The following LRRTM3 variants were observed in gnomAD, a reference collection of about 807,000 sequenced individuals.
LRRTM3 encodes the protein leucine-rich repeat transmembrane neuronal protein 3.
Under a neutral mutation model 44.7 loss-of-function variants are expected in LRRTM3, and 24 were observed. That is an observed-to-expected ratio of 0.54 (90% CI 0.39 to 0.76). LRRTM3 has a LOEUF of 0.76. Among genes scored for constraint, LRRTM3 ranks in the 30% least tolerant of loss-of-function variants. The probability of loss-of-function intolerance (pLI) is 0.00; values close to 1 mark genes in which losing one functional copy is unlikely to be tolerated. For missense variants in LRRTM3, 587 were observed against 702.2 expected (o/e 0.84, Z 1.85); for synonymous variants, 277 against 278.7 (o/e 0.99, Z 0.06).
chr10:66,956,815 C>T (rs1848813805), intron 2 of LRRTM3, among the ~76,000 whole-genome samples: 1 of 152,182 alleles, frequency 6.6e-6, no homozygotes, highest in Non-Finnish European at 1.5e-5. Context: ...GTGACAGGCT[C>T]AACAGTAACC....
chr10:67,092,642 A>C (rs538249684), intron 2 of LRRTM3, among the ~76,000 whole-genome samples: 1 of 152,110 alleles, frequency 6.6e-6, no homozygotes, highest in African/African-American at 2.4e-5. Context: ...AACTTTAAAA[A>C]ACTATTCTTA....
chr10:67,080,363 A>G (rs1856985178), intron 2 of LRRTM3, among the ~76,000 whole-genome samples: 1 of 152,332 alleles, frequency 6.6e-6, no homozygotes, highest in South Asian at 2.1e-4. Flanking sequence ...AAACTACCGA[A>G]GTATGGGACA....
chr10:66,967,027 C>T (rs887227593), intron 2 of LRRTM3, among the ~76,000 whole-genome samples: 13 of 151,782 alleles, frequency 8.6e-5, no homozygotes, highest in Non-Finnish European at 1.5e-4. Context: ...AAGTTCATAG[C>T]GCAAAAAGAA....
chr10:67,002,075 C>T (rs575878030), intron 2 of LRRTM3, among the ~76,000 whole-genome samples: 2 of 152,234 alleles, frequency 1.3e-5, no homozygotes, highest in East Asian at 3.9e-4. Flanking sequence ...CTTTTAGGAG[C>T]TCAGTTTCTT....
intron 2 of LRRTM3, among the ~76,000 whole-genome samples, chr10:66,985,932 T>C (rs1850705952): frequency 6.6e-6 from 1 of 152,088 alleles, no homozygotes; most frequent in Non-Finnish European, 1.5e-5. Context: ...TTCACCATGT[T>C]GGCCAGGATG....
intron 2 of LRRTM3, among the ~76,000 whole-genome samples, chr10:67,064,063 C>CT (rs1855919444): frequency 2.0e-5 from 3 of 152,180 alleles, no homozygotes; most frequent in South Asian, 4.1e-4. Context: ...GACGCTTCAG[C>CT]TTTTCACTTA....
intron 2 of LRRTM3, among the ~76,000 whole-genome samples, chr10:67,041,976 T>C (rs1008543050): frequency 4.6e-5 from 7 of 152,156 alleles, no homozygotes; most frequent in Non-Finnish European, 1.0e-4. Flanking sequence ...TGGGCATATA[T>C]AGTAGTTTGA....
chr10:67,061,817 T>C (rs1484325069), intron 2 of LRRTM3, among the ~76,000 whole-genome samples: 5 of 152,294 alleles, frequency 3.3e-5, no homozygotes, highest in Admixed American at 1.3e-4. Context: ...AAATTCCTCA[T>C]TGGCAGATAA....
intron 2 of LRRTM3, among the ~76,000 whole-genome samples, chr10:66,971,360 A>C (rs950861799): frequency 6.6e-6 from 1 of 152,108 alleles, no homozygotes; most frequent in African/African-American, 2.4e-5. Flanking sequence ...CGGGAGGCGG[A>C]GGTTGCAGTG....
Position 66,926,529 on chromosome 10 carries a change from C to CT in LRRTM3, c.-54dup. 1 of 1,604,724 alleles carries CT rather than the reference C, an allele frequency of 6.2e-7. No individual in the cohort carries two copies. On this transcript the variant is annotated 5_prime_UTR_variant, in exon 1 of 3. It removes the in-frame stop codon of an upstream open reading frame in the 5' UTR. Transcript: ENST00000361320. ...GCAGCTGACAGGGGCTGTCATGCAA[C>CT]TGGCCCCTAAGCCAAAGCAAAAGAC...
At chr10:66,935,127 T>A (rs536309566) in intron 2 of LRRTM3, among the ~76,000 whole-genome samples, 56 of 152,224 alleles carry the variant, frequency 3.7e-4, no homozygotes, top group Non-Finnish European at 7.6e-4. Flanking sequence ...AACAGAGCCC[T>A]CATATTGACT....
At chr10:67,059,107 C>T (rs1049883304) in intron 2 of LRRTM3, among the ~76,000 whole-genome samples, 2 of 152,106 alleles carry the variant, frequency 1.3e-5, no homozygotes, top group Non-Finnish European at 2.9e-5. Flanking sequence ...GAATCTAATC[C>T]TTTAGTCATA....
chr10:66,932,522 G>A (rs780539437), intron 2 of LRRTM3, among the ~76,000 whole-genome samples: 2 of 152,012 alleles, frequency 1.3e-5, no homozygotes, highest in East Asian at 1.9e-4. Flanking sequence ...GCTAACCCAC[G>A]GAGTTTTGCT....
intron 2 of LRRTM3, among the ~76,000 whole-genome samples, chr10:67,094,055 AC>A (rs1316082603): frequency 1.3e-5 from 2 of 151,924 alleles, no homozygotes; most frequent in African/African-American, 4.8e-5. Flanking sequence ...AAAATCTAAT[AC>A]CCTAAGCTGA....
chr10:67,086,216 T>G (rs10822971), intron 2 of LRRTM3, among the ~76,000 whole-genome samples: 83,409 of 151,788 alleles, frequency 0.55, 24,117 homozygotes, highest in African/African-American at 0.74. Flanking sequence ...TTCATAGCAA[T>G]ACCTCATCCC....
chr10:67,002,646 T>C (rs1851752887), intron 2 of LRRTM3, among the ~76,000 whole-genome samples: 1 of 152,152 alleles, frequency 6.6e-6, no homozygotes, highest in Non-Finnish European at 1.5e-5. Flanking sequence ...AGCTGGGTAC[T>C]GGGCCATGTA....
rs1856281716 is a variant in LRRTM3, at chr10:67,069,210, T to C, written c.1537-28377T>C. 2.0e-5 allele frequency among the ~76,000 whole-genome samples: 3 copies of C among 151,842 alleles called. No individual in the cohort carries two copies. In the South Asian group the frequency reaches 6.2e-4, roughly 32 times the overall value. ...TTGATTAGTAAAGAAAAAAGAAAAA[T>C]ATGCAGATGAATGATCAAAGTATAC... On this transcript the variant is annotated intron_variant, in intron 2 of 2. Coordinates refer to ENST00000361320, the MANE Select transcript of LRRTM3 (RefSeq NM_178011.5).
intron 2 of LRRTM3, among the ~76,000 whole-genome samples, chr10:66,972,107 T>TA (rs1849754935): frequency 6.6e-6 from 1 of 152,186 alleles, no homozygotes. Context: ...AGTGTTGCCA[T>TA]AGCACACCTA....
intron 2 of LRRTM3, among the ~76,000 whole-genome samples, chr10:66,949,480 C>A (rs1848429913): frequency 6.6e-6 from 1 of 152,020 alleles, no homozygotes; most frequent in Non-Finnish European, 1.5e-5. Context: ...ATTGCTTGAA[C>A]CCAGGAGGCG....
Sources: gnomAD v4.1 joint callset for allele counts (sites outside exome capture counted in the v4.1 genomes callset) on GRCh38, gnomAD v4.1.1 for gene constraint, MANE v1.5 for transcripts, NCBI Gene and HGNC (gene_info 2026-07-23, HGNC 2026-07-21) for gene names.